Variants in DDX5 observed in about 807,000 individuals in gnomAD.
DDX5 encodes the protein DEAD-box helicase 5.
DDX5 carries 6 observed loss-of-function variants against 68.6 expected under a neutral mutation model. The ratio of observed to expected loss-of-function variants is 0.09; its 90% CI spans 0.05 to 0.17. DDX5 has a LOEUF of 0.17. Ranked by LOEUF, DDX5 falls within the 10% of genes least tolerant of loss-of-function variation. The pLI, the probability that DDX5 is intolerant of heterozygous loss-of-function variation, is 1.00. For missense variants in DDX5, 499 were observed against 756.1 expected, an observed-to-expected ratio of 0.66 and a Z score of 3.99; for synonymous variants, 350 against 247.0, an observed-to-expected ratio of 1.42 and a Z score of -3.91.
intron 1 of DDX5, chr17:64,505,156 G>T: frequency 3.3e-6 from 1 of 307,294 alleles, no homozygotes; most frequent in Non-Finnish European, 6.0e-6. Flanking sequence ...ACTTCTTGTG[G>T]TTACTGTAAT....
chr17:64,505,617 A>C, intron 1 of DDX5: 1 of 986,356 alleles, frequency 1.0e-6, no homozygotes, highest in South Asian at 1.4e-5. Flanking sequence ...GGCATTTTGT[A>C]CTCGCGACTC....
At position 64,503,461 on chromosome 17, in the gene DDX5, A is replaced by T. The variant is rs781837398; in HGVS notation, c.618T>A (p.Pro206=). Residue 206 remains proline (P), a synonymous_variant, in exon 6 of 13, where the codon CCT becomes CCA. Transcript: ENST00000225792. The part of the protein sequence containing the change: ...LKSTCIYGGA[P]KGPQIRDLER... ...CCAAATCACGTATTTGTGGTCCCTT[A>T]GGAGCACCACCGTAGATACAAGTAG... 3 of 1,614,242 alleles carry T rather than the reference A, an allele frequency of 1.9e-6. No homozygotes were observed. The highest frequency in any genetic ancestry group is 2.5e-6 in the Non-Finnish European group (3 of 1,180,026).
At chr17:64,503,392 T>G (rs1328659556) in intron 6 of DDX5, 38 bp downstream of exon 6, 9 of 1,613,942 alleles carry the variant, frequency 5.6e-6, no homozygotes, top group South Asian at 3.3e-5. Flanking sequence ...CTAGGATATT[T>G]AGCACCAATG....
At position 64,504,004 on chromosome 17, in the gene DDX5, A is replaced by G; in HGVS notation, c.420T>C (p.Thr140=). The G allele has an allele frequency of 2.5e-6, 4 of 1,614,228 alleles. No individual in the cohort carries two copies. Among genetic ancestry groups the G allele is most frequent in the Non-Finnish European group, 2.5e-6 (3 of 1,180,040 alleles). ...SGLDMVGVAQ[T]GSGKTLSYLL... Reference sequence around the variant, plus strand: ...TTACAGACAATGTTTTCCCAGATCCAGTCTGTGCCACTCCAACCATATCCA... The same window carrying G: ...TTACAGACAATGTTTTCCCAGATCCGGTCTGTGCCACTCCAACCATATCCA... Residue 140 remains threonine (T), a synonymous_variant, in exon 4 of 13, where the codon ACT becomes ACC. Transcript: ENST00000225792.
rs1396294654 is a variant in DDX5, at chr17:64,505,809, T to A, written c.44+267A>T. On this transcript the variant is annotated intron_variant, in intron 1 of 12. Transcript: ENST00000225792. ...TTTCATCCGCACAATACGCTCCCTC[T>A]CAACTCCCTCAACAGCTACCAAATG... is the stretch of plus-strand genomic sequence containing the variant. 8 of 1,535,998 alleles carry A rather than the reference T, an allele frequency of 5.2e-6. No individual in the cohort carries two copies. In the Admixed American group the frequency reaches 7.8e-5, roughly 15 times the overall value.
intron 1 of DDX5, chr17:64,505,758 C>T (rs2038471505): frequency 6.5e-7 from 1 of 1,536,100 alleles, no homozygotes; most frequent in East Asian, 2.4e-5. Flanking sequence ...AACAGATGTT[C>T]CTTCGTCTGC....
At chr17:64,506,603 G>A, upstream of DDX5, 1 of 373,220 alleles carries the variant, frequency 2.7e-6, no homozygotes, top group South Asian at 2.9e-5. Flanking sequence ...AGATGTTTAC[G>A]TCTCCAAAGA....
In DDX5 at chr17:64,498,803, T is replaced by G. The variant is rs1438931888; in HGVS notation, c.*1120A>C. Among the ~76,000 whole-genome samples the G allele has an allele frequency of 3.9e-5, 6 of 152,224 alleles. No individual in the cohort carries two copies. The highest frequency in any genetic ancestry group is 1.2e-4 in the African/African-American group (5 of 41,462). Reference sequence around the variant, plus strand: ...TACGTTGGTGAGCCGAAGTTAAACCTAAAGCTATCCCCTGGATCTTTCTAG... The same window carrying G: ...TACGTTGGTGAGCCGAAGTTAAACCGAAAGCTATCCCCTGGATCTTTCTAG... On this transcript the variant is annotated 3_prime_UTR_variant, in exon 13 of 13. Transcript: ENST00000225792.
chr17:64,500,897 G>C (rs2038281532), intron 11 of DDX5, 124 bp from the exon 12 acceptor site: 2 of 671,072 alleles, frequency 3.0e-6, no homozygotes, highest in Non-Finnish European at 5.1e-6. Flanking sequence ...AAAAAATACA[G>C]TTAAAATGGT....
intron 12 of DDX5, 78 bp downstream of exon 12, chr17:64,500,471 C>A: frequency 6.6e-7 from 1 of 1,516,858 alleles, no homozygotes; most frequent in African/African-American, 1.4e-5. Context: ...TTTTACTCAC[C>A]CTCCAATACC....
chr17:64,503,732 T>A lies in DDX5; in HGVS notation c.507+71A>T. ...TCTATATAAAACCACCACAAATGAT[T>A]ACATCTTTAGCTATGTAGTCTAAAA... On this transcript the variant is annotated intron_variant, in intron 5 of 12. Transcript: ENST00000225792. 3 of 1,557,816 alleles carry A rather than the reference T, an allele frequency of 1.9e-6. No homozygotes were observed. The South Asian group carries it at 3.5e-5, about 18-fold the overall frequency.
chr17:64,505,399 T>G, intron 1 of DDX5: 1 of 505,376 alleles, frequency 2.0e-6, no homozygotes, highest in Non-Finnish European at 3.6e-6. Flanking sequence ...ATCAAAATTA[T>G]ATAACGCAGG....
At position 64,504,304 on chromosome 17, in the gene DDX5, T is replaced by G. The variant is rs782441235; in HGVS notation, c.225A>C (p.Thr75=). The G allele has an allele frequency of 6.2e-6, 10 of 1,613,874 alleles. No homozygotes were observed. The highest frequency in any genetic ancestry group is 8.5e-6 in the Non-Finnish European group (10 of 1,179,934). Reference sequence around the variant, plus strand: ...CTGTAATTTCCTTGCTTCTTCTGTATGTTTCCACCTCTTGCTGCAAAACAA... The same window carrying G: ...CTGTAATTTCCTTGCTTCTTCTGTAGGTTTCCACCTCTTGCTGCAAAACAA... The part of the protein sequence containing the change: ...LARRTAQEVE[T]YRRSKEITVR... The change falls in exon 3 of 13, where the codon ACA becomes ACC. Residue 75 remains threonine (T), a synonymous_variant. Transcript: ENST00000225792.
Position 64,504,535 on chromosome 17 carries a change from G to C in DDX5, c.210+142C>G, listed in dbSNP as rs1196277653. 11 of 1,105,860 alleles carry C rather than the reference G, an allele frequency of 9.9e-6. No individual in the cohort carries two copies. In the East Asian group the frequency reaches 1.8e-4, roughly 18 times the overall value. 68.5% of individuals were successfully genotyped at this position (1,105,860 alleles called of 1,614,324 possible). A position where few individuals can be genotyped will look rare whatever the true frequency, so the allele number is the denominator to read the frequency against. Reference sequence around the variant, plus strand: ...ATCCCAAAGCCACCTATATCCAAAAGTGAGTCACACCTTTCCCAATTATGA... The same window carrying C: ...ATCCCAAAGCCACCTATATCCAAAACTGAGTCACACCTTTCCCAATTATGA... On this transcript the variant is annotated intron_variant, in intron 2 of 12. Transcript: ENST00000225792.
intron 5 of DDX5, 74 bp downstream of exon 5, chr17:64,503,729 G>T: frequency 6.4e-7 from 1 of 1,552,846 alleles, no homozygotes; most frequent in Non-Finnish European, 8.8e-7. Flanking sequence ...CACCACAAAT[G>T]ATTACATCTT....
In DDX5 at chr17:64,502,495, A is replaced by C; in HGVS notation, c.1038T>G (p.Val346=). 6.2e-7 allele frequency: 1 copy of C among 1,613,910 alleles called. No individual in the cohort carries two copies. The highest frequency in any genetic ancestry group is 8.5e-7 in the Non-Finnish European group (1 of 1,179,922). Residue 346 remains valine, a synonymous_variant, in exon 9 of 13, where the codon GTT becomes GTG. Coordinates refer to ENST00000225792, the MANE Select transcript of DDX5 (RefSeq NM_004396.5). ...CACATCTTCTTTTGGTTTCCACAAAAACAATGGTTTTATTCTCCTTCTCAC... is the reference window on the plus strand; with the variant it reads ...CACATCTTCTTTTGGTTTCCACAAACACAATGGTTTTATTCTCCTTCTCAC... ...IMSEKENKTI[V]FVETKRRCDE...
rs572946450 is a variant in DDX5 at position 64,504,986 on chromosome 17, C to A, written c.45-144G>T. 7.0e-5 allele frequency: 45 copies of A among 639,998 alleles called. No individual in the cohort carries two copies. The South Asian group carries it at 1.1e-3, about 15-fold the overall frequency. The allele number at this position is 639,998 out of a possible 1,614,324, so 39.6% of individuals were successfully genotyped here. On this transcript the variant is annotated intron_variant, in intron 1 of 12. Coordinates refer to ENST00000225792, the MANE Select transcript of DDX5 (RefSeq NM_004396.5). ...CTAGCACTGTCCTTCGTGAAAATCT[C>A]TCTCTCTCTCAACAGCCACAGTTAA...
rs1294857269 is a variant in DDX5 at position 64,498,659 on chromosome 17, T to C, written c.*1264A>G. On this transcript the variant is annotated 3_prime_UTR_variant, in exon 13 of 13. Transcript: ENST00000225792. ...ATCAATTAAAGCCTCAGTTTAATAA[T>C]CAGAATTTAAATGAAGTCTCCTGAA... 6.6e-5 allele frequency among the ~76,000 whole-genome samples: 10 copies of C among 152,162 alleles called. No individual in the cohort carries two copies. Among genetic ancestry groups the C allele is most frequent in the African/African-American group, 2.2e-4 (9 of 41,482 alleles).
intron 8 of DDX5, 144 bp from the exon 9 acceptor site, chr17:64,502,693 A>G: frequency 1.4e-6 from 1 of 727,860 alleles, no homozygotes; most frequent in Non-Finnish European, 2.2e-6. Flanking sequence ...CTTATCGAGC[A>G]GTTCGACCCT....
Sources: allele counts gnomAD v4.1 joint callset (sites outside exome capture counted in the v4.1 genomes callset), GRCh38; gene constraint gnomAD v4.1.1; transcripts MANE v1.5; gene names NCBI Gene and HGNC (gene_info 2026-07-23, HGNC 2026-07-21).